LEMD3: variants seen among roughly 807,000 people sequenced by gnomAD.
LEMD3 encodes inner nuclear membrane protein Man1.
LEMD3 carries 33 observed loss-of-function variants against 95.2 expected under a neutral mutation model. The ratio of observed to expected loss-of-function variants is 0.35; its 90% confidence interval spans 0.26 to 0.46. The LOEUF (loss-of-function observed/expected upper bound fraction) is 0.46. Ranked by LOEUF, LEMD3 falls within the 20% of genes least tolerant of loss-of-function variation. LEMD3 has a pLI of 1.00. For missense variants in LEMD3, 1,210 were observed against 1,192.8 expected, an observed-to-expected ratio of 1.01 and a Z score of -0.21; for synonymous variants, 525 against 474.6, an observed-to-expected ratio of 1.11 and a Z score of -1.38.
At chr12:65,192,457 T>G (rs1423253286) in intron 1 of LEMD3, among the ~76,000 whole-genome samples, 2 of 152,170 alleles carry the variant, frequency 1.3e-5, no homozygotes, top group Admixed American at 6.5e-5. Context: ...TCCTTCCCAT[T>G]GTGCACAACC....
intron 1 of LEMD3, among the ~76,000 whole-genome samples, chr12:65,179,168 GT>G (rs1868822877): frequency 6.6e-6 from 1 of 152,048 alleles, no homozygotes; most frequent in East Asian, 1.9e-4. Flanking sequence ...ATTACAACTT[GT>G]TCTTTCTGTT....
At chr12:65,232,913 A>T (rs1870671438) in intron 4 of LEMD3, among the ~76,000 whole-genome samples, 1 of 152,168 alleles carries the variant, frequency 6.6e-6, no homozygotes, top group Non-Finnish European at 1.5e-5. Context: ...GACAGCTGCA[A>T]ATGTGTCAAA....
chr12:65,216,158 T>C (rs1870104781), intron 3 of LEMD3, 115 bp downstream of exon 3: 3 of 744,892 alleles, frequency 4.0e-6, no homozygotes, highest in Non-Finnish European at 6.8e-6. Context: ...TATTTTTCTT[T>C]AGAAGTTTTC....
intron 10 of LEMD3, among the ~76,000 whole-genome samples, chr12:65,244,746 G>A (rs1184069453): frequency 1.3e-5 from 2 of 151,966 alleles, no homozygotes; most frequent in Admixed American, 6.6e-5. Context: ...TCAGGAGTTC[G>A]AGACCAGCCT....
At chr12:65,195,764 C>G (rs1401578390) in intron 1 of LEMD3, among the ~76,000 whole-genome samples, 1 of 152,122 alleles carries the variant, frequency 6.6e-6, no homozygotes, top group East Asian at 1.9e-4. Flanking sequence ...ATTGCCTTCT[C>G]CATTCTAAGA....
At chr12:65,199,246 G>A (rs1227480667) in intron 1 of LEMD3, among the ~76,000 whole-genome samples, 5 of 151,888 alleles carry the variant, frequency 3.3e-5, no homozygotes, top group African/African-American at 9.7e-5. Flanking sequence ...TAAAGATATC[G>A]GAATTCATCT....
intron 4 of LEMD3, among the ~76,000 whole-genome samples, chr12:65,221,357 T>A (rs1870281900): frequency 6.6e-6 from 1 of 152,154 alleles, no homozygotes; most frequent in African/African-American, 2.4e-5. Context: ...TGATTTTATA[T>A]CTTCCAACTT....
chr12:65,181,358 T>A (rs1354232057), intron 1 of LEMD3, among the ~76,000 whole-genome samples: 1 of 152,174 alleles, frequency 6.6e-6, no homozygotes, highest in African/African-American at 2.4e-5. Context: ...GCACCTATAC[T>A]ATGTACCAGG....
intron 4 of LEMD3, among the ~76,000 whole-genome samples, chr12:65,228,098 G>T (rs977189651): frequency 6.6e-6 from 1 of 152,124 alleles, no homozygotes; most frequent in African/African-American, 2.4e-5. Flanking sequence ...AGAGGCAGGG[G>T]TTGGTGTGGA....
chr12:65,242,351 G>A (rs1021514689), intron 9 of LEMD3, among the ~76,000 whole-genome samples: 3 of 151,544 alleles, frequency 2.0e-5, no homozygotes, highest in Admixed American at 6.6e-5. Flanking sequence ...CTAGATAATC[G>A]TCTTGCTGTG....
At chr12:65,233,737 A>G (rs1870696765) in intron 4 of LEMD3, among the ~76,000 whole-genome samples, 1 of 152,084 alleles carries the variant, frequency 6.6e-6, no homozygotes, top group Admixed American at 6.6e-5. Context: ...TTCCCTTCTT[A>G]CTAACTAAAG....
intron 1 of LEMD3, among the ~76,000 whole-genome samples, chr12:65,183,900 G>T (rs1174713830): frequency 6.6e-6 from 1 of 152,098 alleles, no homozygotes; most frequent in Non-Finnish European, 1.5e-5. Flanking sequence ...TCATTAAACT[G>T]CTTTCTACAA....
chr12:65,233,507 A>G (rs1870689651), intron 4 of LEMD3, among the ~76,000 whole-genome samples: 1 of 152,194 alleles, frequency 6.6e-6, no homozygotes, highest in African/African-American at 2.4e-5. Context: ...TTACTGAATC[A>G]GGAGTTACAT....
intron 8 of LEMD3, 78 bp from the exon 9 acceptor site, chr12:65,240,831 T>A: frequency 7.9e-7 from 1 of 1,271,558 alleles, no homozygotes; most frequent in South Asian, 1.2e-5. Context: ...TAGAGTTAAC[T>A]ATTACCTCAG....
intron 1 of LEMD3, among the ~76,000 whole-genome samples, chr12:65,190,317 T>C (rs1031958136): frequency 6.6e-6 from 1 of 152,068 alleles, no homozygotes; most frequent in African/African-American, 2.4e-5. Context: ...TGATGGGAAG[T>C]GGGGGTTGAA....
chr12:65,204,960 C>A lies in LEMD3; in HGVS notation c.1523-5966C>A, dbSNP rs553366209. Among the ~76,000 whole-genome samples, 16 of 152,174 alleles carry A rather than the reference C, an allele frequency of 1.1e-4. 1 individual carries two copies. The highest frequency in any genetic ancestry group is 3.9e-4 in the African/African-American group (16 of 41,538). On this transcript the variant is annotated intron_variant, in intron 1 of 12. Transcript: ENST00000308330. Reference sequence around the variant, plus strand: ...ATCCTCACACTGCTATAAAGAAATACCCAAGACTGGGTAATTTATAAAGGA... The same window carrying A: ...ATCCTCACACTGCTATAAAGAAATAACCAAGACTGGGTAATTTATAAAGGA...
At chr12:65,171,325 T>G in intron 1 of LEMD3, 1 of 763,678 alleles carries the variant, frequency 1.3e-6, no homozygotes, top group Non-Finnish European at 2.0e-6. Context: ...GTTTTCTGCA[T>G]GATGTATTGT....
intron 3 of LEMD3, among the ~76,000 whole-genome samples, chr12:65,217,433 AG>A (rs1295412998): frequency 3.3e-5 from 5 of 152,224 alleles, no homozygotes; most frequent in African/African-American, 1.2e-4. Flanking sequence ...TTCATCTGAT[AG>A]GTACTTCTCC....
At chr12:65,197,617 T>G (rs891386533) in intron 1 of LEMD3, among the ~76,000 whole-genome samples, 1 of 152,122 alleles carries the variant, frequency 6.6e-6, no homozygotes, top group Non-Finnish European at 1.5e-5. Flanking sequence ...CTGAATGACT[T>G]TTCATCTGTG....
Sources: allele counts gnomAD v4.1 joint callset (sites outside exome capture counted in the v4.1 genomes callset), GRCh38; gene constraint gnomAD v4.1.1; transcripts MANE v1.5; gene names NCBI Gene and HGNC (gene_info 2026-07-23, HGNC 2026-07-21).